Variants in SBF2 observed in about 807,000 individuals in gnomAD.
The protein encoded by SBF2 is myotubularin-related protein 13.
A neutral mutation model predicts 225.2 loss-of-function variants in SBF2; 112 were observed. The observed-to-expected ratio is 0.50, with a 90% CI of 0.43 to 0.58. SBF2 has a LOEUF of 0.58. SBF2 is among the 20% of genes least tolerant of loss of function. The pLI, the probability that SBF2 is intolerant of heterozygous loss-of-function variation, is 0.00. For missense variants in SBF2, 1,996 were observed against 2,206.2 expected (o/e 0.90, Z 1.91); for synonymous variants, 763 against 773.3 (o/e 0.99, Z 0.22).
intron 2 of SBF2, among the ~76,000 whole-genome samples, chr11:10,094,858 T>A (rs1951951260): frequency 6.6e-6 from 1 of 151,516 alleles, no homozygotes; most frequent in Admixed American, 6.6e-5. Flanking sequence ...TGGGTGGTGG[T>A]AACGGGGAGT....
At chr11:9,781,786 T>G in intron 38 of SBF2, 148 bp from the exon 39 acceptor site, 12 of 879,124 alleles carry the variant, frequency 1.4e-5, no homozygotes, top group Non-Finnish European at 1.6e-5. Context: ...TAATTAATAA[T>G]ACTTGTTGCT....
rs555622572 is a variant in SBF2 at position 10,280,037 on chromosome 11, T to C, written c.55+13978A>G. 2.0e-5 allele frequency among the ~76,000 whole-genome samples: 3 copies of C among 152,338 alleles called. No homozygotes were observed. The East Asian group carries it at 5.8e-4, about 29-fold the overall frequency. The stretch of plus-strand genomic sequence containing the variant: ...GTTTGGCATCAGAATTGTTTCAGGA[T>C]TCTTTTGGATTTTTAAGTATTTGCA... On this transcript the variant is annotated intron_variant, in intron 1 of 39. Coordinates refer to ENST00000256190, the MANE Select transcript of SBF2 (RefSeq NM_030962.4).
chr11:10,293,459 G>A (rs1268227277), intron 1 of SBF2, among the ~76,000 whole-genome samples: 1 of 152,178 alleles, frequency 6.6e-6, no homozygotes, highest in Non-Finnish European at 1.5e-5. Context: ...CTAGAAAGGG[G>A]TAAAAGTGCA....
intron 33 of SBF2, among the ~76,000 whole-genome samples, chr11:9,793,075 G>A (rs1299274423): frequency 1.3e-5 from 2 of 151,718 alleles, no homozygotes; most frequent in African/African-American, 4.8e-5. Context: ...GTTGCACCCA[G>A]CCTGTGTTTA....
chr11:10,239,784 A>ATACT (rs1959183376), intron 1 of SBF2, among the ~76,000 whole-genome samples: 1 of 152,360 alleles, frequency 6.6e-6, no homozygotes, highest in East Asian at 1.9e-4. Context: ...TAAATATAGT[A>ATACT]GCTTGTTTTT....
chr11:10,168,592 T>C (rs1956067254), intron 2 of SBF2, among the ~76,000 whole-genome samples: 1 of 152,174 alleles, frequency 6.6e-6, no homozygotes, highest in Non-Finnish European at 1.5e-5. Context: ...GGTAAATATT[T>C]ATATGAATTT....
intron 16 of SBF2, 132 bp downstream of exon 16, chr11:9,961,824 AT>A: frequency 1.5e-6 from 1 of 676,096 alleles, no homozygotes; most frequent in Non-Finnish European, 2.4e-6. Context: ...GACAGAAATG[AT>A]AGAGATACTG....
intron 2 of SBF2, among the ~76,000 whole-genome samples, chr11:10,176,801 A>C (rs1479852380): frequency 3.3e-5 from 5 of 152,212 alleles, no homozygotes; most frequent in Admixed American, 1.3e-4. Context: ...AAACTATTCC[A>C]ATCAATAGAA....
At chr11:10,060,243 T>A (rs930165463) in intron 2 of SBF2, among the ~76,000 whole-genome samples, 1 of 152,154 alleles carries the variant, frequency 6.6e-6, no homozygotes, top group African/African-American at 2.4e-5. Context: ...GAAACTACTA[T>A]GAACACCCCT....
chr11:9,961,190 C>T (rs1158337908), intron 16 of SBF2: 2 of 151,966 alleles, frequency 1.3e-5, no homozygotes, highest in African/African-American at 4.8e-5. Flanking sequence ...TTATTTAGGC[C>T]TTGTTTCTTT....
At chr11:10,206,050 T>G (rs1354864431) in intron 1 of SBF2, among the ~76,000 whole-genome samples, 2 of 151,788 alleles carry the variant, frequency 1.3e-5, no homozygotes, top group South Asian at 2.1e-4. Context: ...GAATCTCTCA[T>G]GTACTCCCCA....
chr11:9,795,166 C>T (rs370828402), intron 33 of SBF2, among the ~76,000 whole-genome samples: 2 of 152,308 alleles, frequency 1.3e-5, no homozygotes, highest in African/African-American at 4.8e-5. Flanking sequence ...TCAGAATCTA[C>T]TCATTACAAC....
chr11:10,189,041 G>A (rs1012957678), intron 2 of SBF2, among the ~76,000 whole-genome samples: 6 of 152,146 alleles, frequency 3.9e-5, no homozygotes, highest in Admixed American at 3.3e-4. Flanking sequence ...ATTTTACCTC[G>A]CACCTTACCT....
intron 28 of SBF2, among the ~76,000 whole-genome samples, chr11:9,819,037 C>T (rs184589860): frequency 1.2e-4 from 18 of 152,214 alleles, no homozygotes; most frequent in South Asian, 4.2e-4. Context: ...AATCTTTCTA[C>T]GTAGTTTACG....
chr11:9,828,591 G>A (rs567869479), intron 28 of SBF2: 3 of 985,386 alleles, frequency 3.0e-6, no homozygotes, highest in East Asian at 2.3e-4. Flanking sequence ...ACACATTAGG[G>A]TTACCTCTAC....
chr11:9,797,467 C>T (rs1853192026), intron 32 of SBF2, among the ~76,000 whole-genome samples: 1 of 152,174 alleles, frequency 6.6e-6, no homozygotes, highest in Admixed American at 6.5e-5. Context: ...GAACTGCTTC[C>T]TTGATGTGAG....
intron 1 of SBF2, among the ~76,000 whole-genome samples, chr11:10,283,925 T>C (rs527409594): frequency 3.3e-5 from 5 of 152,268 alleles, no homozygotes; most frequent in African/African-American, 7.2e-5. Context: ...CAAGGTCCAA[T>C]AGTAAAGTGA....
intron 16 of SBF2, 94 bp downstream of exon 16, chr11:9,961,863 C>A: frequency 8.4e-7 from 1 of 1,193,118 alleles, no homozygotes; most frequent in Non-Finnish European, 1.2e-6. Context: ...CTGTGGTAGG[C>A]TCAAGAACTG....
chr11:10,066,781 CA>C (rs973472827), intron 2 of SBF2, among the ~76,000 whole-genome samples: 6 of 150,540 alleles, frequency 4.0e-5, no homozygotes, highest in African/African-American at 1.5e-4. Flanking sequence ...GGCAATCAAG[CA>C]AAAAAAAGGA....
Sources: gnomAD v4.1 joint callset for allele counts (sites outside exome capture counted in the v4.1 genomes callset) on GRCh38, gnomAD v4.1.1 for gene constraint, MANE v1.5 for transcripts, NCBI Gene and HGNC (gene_info 2026-07-23, HGNC 2026-07-21) for gene names.